The following SPECC1L variants were observed in gnomAD, a reference collection of about 807,000 sequenced individuals.
SPECC1L encodes sperm antigen with calponin homology and coiled-coil domains 1 like.
In SPECC1L, 40 loss-of-function variants were observed where a neutral mutation model predicts 116.8. That is an observed-to-expected ratio of 0.34 (90% CI 0.27 to 0.45). The LOEUF (loss-of-function observed/expected upper bound fraction) is 0.45, where lower values mean the gene tolerates loss of function less well. SPECC1L is among the 20% of genes least tolerant of loss of function. The pLI is 1.00. For missense variants in SPECC1L, 1,110 were observed against 1,373.6 expected, an observed-to-expected ratio of 0.81 and a Z score of 3.03; for synonymous variants, 504 against 500.6, an observed-to-expected ratio of 1.01 and a Z score of -0.09.
chr22:24,366,480 A>G (rs1167135103), intron 13 of SPECC1L, among the ~76,000 whole-genome samples: 4 of 152,204 alleles, frequency 2.6e-5, no homozygotes, highest in South Asian at 2.1e-4. Flanking sequence ...GGTGTGAGCC[A>G]CCGTGCCTGG....
intron 13 of SPECC1L, among the ~76,000 whole-genome samples, chr22:24,368,638 C>A (rs532165950): frequency 2.6e-5 from 4 of 152,032 alleles, no homozygotes; most frequent in Admixed American, 6.6e-5. Context: ...AGGACATAAA[C>A]GGTTATTTTA....
At chr22:24,299,571 C>G (rs1036840122) in intron 2 of SPECC1L, among the ~76,000 whole-genome samples, 16 of 152,288 alleles carry the variant, frequency 1.1e-4, no homozygotes, top group African/African-American at 3.9e-4. Flanking sequence ...TTTCTTTTCT[C>G]CTCTTGGACC....
chr22:24,384,420 G>GA (rs1222788111), intron 14 of SPECC1L, among the ~76,000 whole-genome samples: 1 of 152,154 alleles, frequency 6.6e-6, no homozygotes, highest in African/African-American at 2.4e-5. Context: ...AAGAACAGTG[G>GA]AAGAGTAAAT....
At chr22:24,401,998 G>A (rs1174634822) in intron 14 of SPECC1L, among the ~76,000 whole-genome samples, 1 of 152,022 alleles carries the variant, frequency 6.6e-6, no homozygotes, top group African/African-American at 2.4e-5. Flanking sequence ...CCCTACCTCG[G>A]CCGCCTGCCC....
chr22:24,375,152 A>G (rs2041947705), intron 14 of SPECC1L, among the ~76,000 whole-genome samples: 1 of 152,208 alleles, frequency 6.6e-6, no homozygotes. Context: ...CTGGAGAGAC[A>G]AATAACAACT....
chr22:24,355,458 C>T (rs369051496), intron 11 of SPECC1L, among the ~76,000 whole-genome samples: 1 of 151,898 alleles, frequency 6.6e-6, no homozygotes, highest in East Asian at 1.9e-4. Flanking sequence ...TACCTATCCA[C>T]CCACCCACCT....
chr22:24,384,656 A>G (rs1404522243), intron 14 of SPECC1L, among the ~76,000 whole-genome samples: 24 of 152,228 alleles, frequency 1.6e-4, no homozygotes, highest in Non-Finnish European at 2.9e-4. Context: ...CTCTAGGGCT[A>G]CACTCTGCTA....
At chr22:24,345,798 A>G (rs2041279660) in intron 10 of SPECC1L, among the ~76,000 whole-genome samples, 1 of 152,222 alleles carries the variant, frequency 6.6e-6, no homozygotes, top group African/African-American at 2.4e-5. Flanking sequence ...GACCTTGTCC[A>G]CATTTCTGAT....
chr22:24,336,594 T>C (rs1468792581), intron 9 of SPECC1L, among the ~76,000 whole-genome samples: 1 of 152,110 alleles, frequency 6.6e-6, no homozygotes, highest in Non-Finnish European at 1.5e-5. Flanking sequence ...GAATAAAATA[T>C]ATATATGCTT....
chr22:24,306,062 C>A (rs749682123), intron 3 of SPECC1L, among the ~76,000 whole-genome samples: 3 of 152,164 alleles, frequency 2.0e-5, no homozygotes, highest in Non-Finnish European at 4.4e-5. Flanking sequence ...TGTGCCACCA[C>A]GCCTGGCTAA....
At chr22:24,352,253 A>C (rs553407894) in intron 11 of SPECC1L, among the ~76,000 whole-genome samples, 1 of 152,346 alleles carries the variant, frequency 6.6e-6, no homozygotes, top group Non-Finnish European at 1.5e-5. Flanking sequence ...TCTGCTGCCA[A>C]GTACATGGAT....
chr22:24,334,303 T>G, intron 8 of SPECC1L, 107 bp from the exon 9 acceptor site: 2 of 1,169,854 alleles, frequency 1.7e-6, no homozygotes, highest in East Asian at 4.9e-5. Flanking sequence ...TGAGCCACCG[T>G]GCCCGGCCAT....
chr22:24,321,458 A>G lies in SPECC1L; in HGVS notation c.478A>G (p.Thr160Ala). The G allele has an allele frequency of 6.2e-7, 1 of 1,614,284 alleles. No homozygotes were observed. Among genetic ancestry groups the G allele is most frequent in the East Asian group, 2.2e-5 (1 of 44,896 alleles). Residue 160 changes from threonine to alanine, a missense_variant, in exon 5 of 17, where the codon ACA (threonine) becomes GCA (alanine). This residue lies in a region of SPECC1L where 437 missense variants were observed against 482.6 expected (regional missense o/e 0.91). Transcript: ENST00000314328. The part of the protein sequence containing the change: ...LAKRSRSRTA[T>A]ECDVRMSKSK... ...CAAACGTTCCCGCAGTCGAACTGCT[A>G]CAGAATGTGACGTTCGTATGAGCAA...
chr22:24,318,171 G>A (rs1188959191), intron 4 of SPECC1L, among the ~76,000 whole-genome samples: 1 of 152,188 alleles, frequency 6.6e-6, no homozygotes, highest in Non-Finnish European at 1.5e-5. Context: ...AAGGCAGGCT[G>A]CTGGGAGGTG....
Position 24,328,936 on chromosome 22 carries a change from T to C in SPECC1L, c.2220+17T>C. 3 of 1,579,464 alleles carry C rather than the reference T, an allele frequency of 1.9e-6. No individual in the cohort carries two copies. Among genetic ancestry groups the C allele is most frequent in the Non-Finnish European group, 2.6e-6 (3 of 1,148,676 alleles). On this transcript the variant is annotated intron_variant, in intron 7 of 16. Transcript: ENST00000314328. Reference sequence around the variant, plus strand: ...AGACTTCGGGTAGGATAAATCTTCATGTATTGTCTTGTTAGAAAACGGTTT... The same window carrying C: ...AGACTTCGGGTAGGATAAATCTTCACGTATTGTCTTGTTAGAAAACGGTTT...
intron 6 of SPECC1L, among the ~76,000 whole-genome samples, chr22:24,326,041 C>T (rs980018571): frequency 6.6e-6 from 1 of 151,984 alleles, no homozygotes; most frequent in Admixed American, 6.6e-5. Context: ...GCAACCTCTG[C>T]CCCCCGGGTT....
chr22:24,342,999 C>A (rs566802055), intron 10 of SPECC1L, among the ~76,000 whole-genome samples: 1 of 152,130 alleles, frequency 6.6e-6, no homozygotes, highest in African/African-American at 2.4e-5. Context: ...TTGAAACCAG[C>A]CTGGACAACA....
At chr22:24,346,962 C>A in intron 10 of SPECC1L, 124 bp from the exon 11 acceptor site, 2 of 808,134 alleles carry the variant, frequency 2.5e-6, no homozygotes, top group Non-Finnish European at 4.3e-6. Context: ...GTGTTACAAC[C>A]TTACTATAGC....
intron 14 of SPECC1L, among the ~76,000 whole-genome samples, chr22:24,387,419 G>T (rs763480498): frequency 6.6e-6 from 1 of 152,144 alleles, no homozygotes; most frequent in Non-Finnish European, 1.5e-5. Context: ...CTGGGATTCT[G>T]ATTCATTCTG....
Sources: allele counts gnomAD v4.1 joint callset (sites outside exome capture counted in the v4.1 genomes callset), GRCh38; gene constraint gnomAD v4.1.1; regional missense constraint gnomAD v4.1.1; transcripts MANE v1.5; gene names NCBI Gene and HGNC (gene_info 2026-07-23, HGNC 2026-07-21).